Variants in ADAMTSL1 observed in about 807,000 individuals in gnomAD.
The protein encoded by ADAMTSL1 is ADAMTS-like protein 1.
ADAMTSL1 carries 126 observed loss-of-function variants against 201.8 expected under a neutral mutation model. The ratio of observed to expected loss-of-function variants is 0.62; its 90% CI spans 0.54 to 0.72. ADAMTSL1 has a LOEUF of 0.72. Ranked by LOEUF, ADAMTSL1 falls within the 30% of genes least tolerant of loss-of-function variation. The pLI, the probability that ADAMTSL1 is intolerant of heterozygous loss-of-function variation, is 0.00. For synonymous variants in ADAMTSL1, 1,121 were observed against 903.4 expected, an observed-to-expected ratio of 1.24 and a Z score of -4.32; for missense variants, 2,679 against 2,277.8, an observed-to-expected ratio of 1.18 and a Z score of -3.59.
At chr9:18,602,675 TC>T (rs1824739923) in intron 4 of ADAMTSL1, among the ~76,000 whole-genome samples, 1 of 152,282 alleles carries the variant, frequency 6.6e-6, no homozygotes, top group African/African-American at 2.4e-5. Context: ...TAGTACAAGT[TC>T]CTTTTATTCT....
At chr9:18,312,171 G>A (rs987781651) in intron 2 of ADAMTSL1, among the ~76,000 whole-genome samples, 5 of 152,188 alleles carry the variant, frequency 3.3e-5, no homozygotes, top group African/African-American at 1.2e-4. Context: ...GGGTCTTGAA[G>A]GACAAGCTTA....
intron 23 of ADAMTSL1, among the ~76,000 whole-genome samples, chr9:18,866,972 A>G (rs2131443728): frequency 1.3e-5 from 2 of 152,334 alleles, no homozygotes; most frequent in Middle Eastern, 6.8e-3. Context: ...CAAGAGGAAC[A>G]AATCCTTTTA....
chr9:18,212,987 A>T (rs1829932715), intron 2 of ADAMTSL1, among the ~76,000 whole-genome samples: 1 of 152,160 alleles, frequency 6.6e-6, no homozygotes, highest in African/African-American at 2.4e-5. Context: ...TTGAGATGTG[A>T]TTTATAATGG....
chr9:18,185,076 A>G (rs1331096), intron 2 of ADAMTSL1, among the ~76,000 whole-genome samples: 44,928 of 152,006 alleles, frequency 0.3, 6,794 homozygotes, highest in Admixed American at 0.38. Flanking sequence ...TTTAATCTCT[A>G]TGGCTCAAAG....
At chr9:18,623,337 G>A (rs993802968) in intron 5 of ADAMTSL1, among the ~76,000 whole-genome samples, 3 of 152,064 alleles carry the variant, frequency 2.0e-5, no homozygotes, top group Non-Finnish European at 4.4e-5. Flanking sequence ...CATGAGCAAA[G>A]TACTATTAAT....
chr9:18,867,667 G>A (rs780347702), intron 23 of ADAMTSL1, among the ~76,000 whole-genome samples: 20 of 151,732 alleles, frequency 1.3e-4, no homozygotes, highest in East Asian at 9.7e-4. Context: ...TTGCTCTGTC[G>A]CCCAGGTGGA....
At chr9:18,157,571 G>A (rs1158964391) in intron 1 of ADAMTSL1, among the ~76,000 whole-genome samples, 1 of 151,948 alleles carries the variant, frequency 6.6e-6, no homozygotes, top group Non-Finnish European at 1.5e-5. Context: ...TCTGTACCAA[G>A]AATTATGAGG....
At chr9:18,457,863 C>G (rs1820667002) in intron 2 of ADAMTSL1, among the ~76,000 whole-genome samples, 1 of 152,198 alleles carries the variant, frequency 6.6e-6, no homozygotes, top group Admixed American at 6.5e-5. Context: ...ATTCAAAAAT[C>G]TCTTGTCTGG....
At chr9:17,949,359 G>T (rs923067529) in intron 1 of ADAMTSL1, among the ~76,000 whole-genome samples, 1 of 152,094 alleles carries the variant, frequency 6.6e-6, no homozygotes. Flanking sequence ...AGTTTGCCCA[G>T]AAGGTACTGA....
chr9:18,233,876 G>A (rs1830740332), intron 2 of ADAMTSL1, among the ~76,000 whole-genome samples: 1 of 152,138 alleles, frequency 6.6e-6, no homozygotes, highest in African/African-American at 2.4e-5. Flanking sequence ...GGCACAGTAT[G>A]GTGCAGAGAT....
At chr9:18,001,601 G>A (rs1444384865) in intron 1 of ADAMTSL1, among the ~76,000 whole-genome samples, 1 of 152,078 alleles carries the variant, frequency 6.6e-6, no homozygotes, top group Non-Finnish European at 1.5e-5. Context: ...TGAAATCTAA[G>A]AAGAAATTGT....
intron 2 of ADAMTSL1, among the ~76,000 whole-genome samples, chr9:18,461,139 A>G (rs555615736): frequency 9.8e-5 from 15 of 152,344 alleles, no homozygotes; most frequent in Non-Finnish European, 2.1e-4. Flanking sequence ...AATAAGCAAA[A>G]TAAATATTAC....
intron 2 of ADAMTSL1, among the ~76,000 whole-genome samples, chr9:18,399,326 T>TAC (rs1554672329): frequency 8.9e-6 from 1 of 112,074 alleles, no homozygotes; most frequent in Non-Finnish European, 1.9e-5. Context: ...TATATATATA[T>TAC]ATAAAATTAT....
intron 7 of ADAMTSL1, among the ~76,000 whole-genome samples, chr9:18,657,395 A>T (rs1258293422): frequency 6.6e-6 from 1 of 152,228 alleles, no homozygotes; most frequent in Non-Finnish European, 1.5e-5. Flanking sequence ...ACAAATTGAG[A>T]TATTGTTCTC....
intron 1 of ADAMTSL1, among the ~76,000 whole-genome samples, chr9:18,000,401 C>G (rs1360520139): frequency 2.6e-5 from 4 of 152,014 alleles, no homozygotes; most frequent in African/African-American, 4.8e-5. Context: ...CATCCTGCCT[C>G]ACCACCCCTC....
chr9:18,014,686 C>G (rs575256180), intron 1 of ADAMTSL1, among the ~76,000 whole-genome samples: 1 of 150,132 alleles, frequency 6.7e-6, no homozygotes, highest in East Asian at 1.9e-4. Flanking sequence ...GCTGAAGGAT[C>G]ATGTTGGATC....
At chr9:18,246,113 T>C (rs925597027) in intron 2 of ADAMTSL1, among the ~76,000 whole-genome samples, 2 of 152,124 alleles carry the variant, frequency 1.3e-5, no homozygotes, top group African/African-American at 2.4e-5. Context: ...CTATAAACAA[T>C]CAAGACTTTT....
intron 1 of ADAMTSL1, among the ~76,000 whole-genome samples, chr9:17,980,364 C>G (rs947540568): frequency 1.3e-5 from 2 of 152,116 alleles, no homozygotes; most frequent in African/African-American, 2.4e-5. Flanking sequence ...CTTTTTGCCT[C>G]CTGTGTCACA....
At chr9:18,236,837 G>T (rs1318012293) in intron 2 of ADAMTSL1, among the ~76,000 whole-genome samples, 1 of 152,136 alleles carries the variant, frequency 6.6e-6, no homozygotes, top group Non-Finnish European at 1.5e-5. Context: ...GTGCTATTCA[G>T]TTTCCCAAAA....
Sources: allele counts gnomAD v4.1 joint callset (sites outside exome capture counted in the v4.1 genomes callset), GRCh38; gene constraint gnomAD v4.1.1; transcripts MANE v1.5; gene names NCBI Gene and HGNC (gene_info 2026-07-23, HGNC 2026-07-21).